SERPINI1: variants seen among roughly 807,000 people sequenced by gnomAD.
The protein encoded by SERPINI1 is neuroserpin.
A neutral mutation model predicts 41.1 loss-of-function variants in SERPINI1; 19 were observed. That is an observed-to-expected ratio of 0.46 (90% CI 0.32 to 0.68). The LOEUF (loss-of-function observed/expected upper bound fraction) is 0.68. Among genes scored for constraint, SERPINI1 ranks in the 30% least tolerant of loss-of-function variants. SERPINI1 has a pLI of 0.03. For missense variants in SERPINI1, 460 were observed against 479.2 expected (o/e 0.96, Z 0.37); for synonymous variants, 138 against 156.6 (o/e 0.88, Z 0.89).
intron 1 of SERPINI1, among the ~76,000 whole-genome samples, chr3:167,787,103 G>A (rs903410264): frequency 4.7e-5 from 7 of 149,708 alleles, no homozygotes; most frequent in South Asian, 2.1e-4. Flanking sequence ...ACACATATTC[G>A]CCCAGGCCTG....
chr3:167,785,100 G>A (rs1012359545), intron 1 of SERPINI1, among the ~76,000 whole-genome samples: 2 of 152,082 alleles, frequency 1.3e-5, no homozygotes, highest in African/African-American at 2.4e-5. Context: ...AATTAGCTGG[G>A]CGTGGTGGCA....
chr3:167,800,348 T>C (rs1727860174), intron 5 of SERPINI1, among the ~76,000 whole-genome samples: 1 of 152,232 alleles, frequency 6.6e-6, no homozygotes, highest in East Asian at 1.9e-4. Context: ...CTATTGTTAA[T>C]ATTATTGTAG....
intron 1 of SERPINI1, among the ~76,000 whole-genome samples, chr3:167,739,477 T>G (rs553166500): frequency 6.6e-6 from 1 of 152,194 alleles, no homozygotes; most frequent in Non-Finnish European, 1.5e-5. Context: ...TCACACTGTG[T>G]GCGCTGCAAA....
At chr3:167,755,904 A>T (rs181616846) in intron 1 of SERPINI1, among the ~76,000 whole-genome samples, 99 of 147,132 alleles carry the variant, frequency 6.7e-4, no homozygotes, top group Non-Finnish European at 1.1e-3. Context: ...TGGCTAGGGG[A>T]CCAGGCCGCT....
At chr3:167,759,521 AC>A (rs1726310649) in intron 1 of SERPINI1, among the ~76,000 whole-genome samples, 1 of 151,808 alleles carries the variant, frequency 6.6e-6, no homozygotes, top group Non-Finnish European at 1.5e-5. Flanking sequence ...AATTAAAATA[AC>A]TCAAAAAATC....
At chr3:167,792,403 A>AGTGTGTGTGTGTGTGT (rs113251395) in intron 3 of SERPINI1, among the ~76,000 whole-genome samples, 187 bp from the exon 4 acceptor site, 23 of 151,284 alleles carry the variant, frequency 1.5e-4, no homozygotes, top group African/African-American at 5.4e-4. Flanking sequence ...ATATATATGT[A>AGTGTGTGTGTGTGTGT]GTGTGTGTGT....
At chr3:167,795,303 C>A (rs1233618818) in intron 5 of SERPINI1, among the ~76,000 whole-genome samples, 2 of 152,160 alleles carry the variant, frequency 1.3e-5, no homozygotes, top group Admixed American at 1.3e-4. Flanking sequence ...CATAAATTAG[C>A]AGGAAGATGC....
chr3:167,799,711 T>C lies in SERPINI1; in HGVS notation c.881+4887T>C, dbSNP rs531724729. On this transcript the variant is annotated intron_variant, in intron 5 of 8. Coordinates refer to ENST00000446050, the MANE Select transcript of SERPINI1 (RefSeq NM_001122752.2). ...ACATCCTCTCCAGCACCTGTTGTTT[T>C]CTGACTTTTTAATGATCGCCATTCT... 3.2e-4 allele frequency among the ~76,000 whole-genome samples: 48 copies of C among 152,300 alleles called. 1 individual carries two copies. The highest frequency in any genetic ancestry group is 2.9e-3 in the East Asian group (15 of 5,182).
At chr3:167,807,907 A>G (rs991688635) in intron 6 of SERPINI1, among the ~76,000 whole-genome samples, 6 of 152,216 alleles carry the variant, frequency 3.9e-5, no homozygotes, top group Non-Finnish European at 8.8e-5. Flanking sequence ...ACCTGAGGTC[A>G]GGAGTTTGAG....
At chr3:167,781,053 C>T (rs1317935471) in intron 1 of SERPINI1, among the ~76,000 whole-genome samples, 1 of 150,890 alleles carries the variant, frequency 6.6e-6, no homozygotes, top group East Asian at 1.9e-4. Flanking sequence ...TGCAAAATTA[C>T]AGATTTCTAA....
At position 167,744,857 on chromosome 3, in the gene SERPINI1, A is replaced by ATAT. The variant is rs1266509147; in HGVS notation, c.-19+9035_-19+9037dup. 3.6e-3 allele frequency among the ~76,000 whole-genome samples: 411 copies of ATAT among 112,938 alleles called. 3 individuals are homozygous for ATAT. Among genetic ancestry groups the ATAT allele is most frequent in the African/African-American group, 0.014 (358 of 25,832 alleles). The allele number at this position is 112,938 out of a possible 152,430, so 74.1% of individuals were successfully genotyped here. The stretch of plus-strand genomic sequence containing the variant: ...ATATATTATATATAACTATAGTTAT[A>ATAT]TATATATATAAATATATATATATCA... On this transcript the variant is annotated intron_variant, in intron 1 of 8. Coordinates refer to ENST00000446050, the MANE Select transcript of SERPINI1 (RefSeq NM_001122752.2).
chr3:167,778,436 T>C (rs909998711), intron 1 of SERPINI1, among the ~76,000 whole-genome samples: 7 of 152,088 alleles, frequency 4.6e-5, no homozygotes, highest in Non-Finnish European at 1.0e-4. Context: ...AGGAAATGGG[T>C]TTCTCTGATT....
intron 5 of SERPINI1, among the ~76,000 whole-genome samples, chr3:167,800,731 A>G (rs151218043): frequency 6.6e-6 from 1 of 152,338 alleles, no homozygotes; most frequent in East Asian, 1.9e-4. Context: ...GCCTATTAAT[A>G]AAGCATTTTA....
At chr3:167,773,183 T>G (rs1274640387) in intron 1 of SERPINI1, among the ~76,000 whole-genome samples, 1 of 151,936 alleles carries the variant, frequency 6.6e-6, no homozygotes, top group African/African-American at 2.4e-5. Context: ...TGAATGCTAT[T>G]GCTCACAATG....
intron 1 of SERPINI1, among the ~76,000 whole-genome samples, chr3:167,754,813 G>A (rs1406222362): frequency 1.3e-5 from 2 of 152,112 alleles, no homozygotes; most frequent in Admixed American, 6.5e-5. Flanking sequence ...GCTGGTCTGC[G>A]TGTCCACCAT....
At chr3:167,759,400 GTATA>G (rs71753556) in intron 1 of SERPINI1, among the ~76,000 whole-genome samples, 8,821 of 121,046 alleles carry the variant, frequency 0.073, 1,259 homozygotes, top group African/African-American at 0.25. Flanking sequence ...AGAAAATGTG[GTATA>G]TATATATATA....
intron 1 of SERPINI1, among the ~76,000 whole-genome samples, chr3:167,776,585 T>C (rs1293158468): frequency 6.6e-6 from 1 of 152,240 alleles, no homozygotes; most frequent in African/African-American, 2.4e-5. Flanking sequence ...CTGCTTTTGT[T>C]TTAAACACTT....
chr3:167,746,960 G>T (rs1725879135), intron 1 of SERPINI1, among the ~76,000 whole-genome samples: 1 of 152,096 alleles, frequency 6.6e-6, no homozygotes, highest in African/African-American at 2.4e-5. Flanking sequence ...AAAAATGTTT[G>T]TCTACACAAA....
rs1727865760 is a variant in SERPINI1 at position 167,800,539 on chromosome 3, C to T, written c.881+5715C>T. Among the ~76,000 whole-genome samples, 3 of 152,190 alleles carry T rather than the reference C, an allele frequency of 2.0e-5. No individual in the cohort carries two copies. The South Asian group carries it at 6.2e-4, about 32-fold the overall frequency. On this transcript the variant is annotated intron_variant, in intron 5 of 8. Transcript: ENST00000446050. ...ATAGCTTAGATATAAAAAGATTTTT[C>T]TAAAGTCAGCATCAAATACTTTAAT...
Sources: allele counts gnomAD v4.1 joint callset (sites outside exome capture counted in the v4.1 genomes callset), GRCh38; gene constraint gnomAD v4.1.1; transcripts MANE v1.5; gene names NCBI Gene and HGNC (gene_info 2026-07-23, HGNC 2026-07-21).